GSR: variants seen among roughly 807,000 people sequenced by gnomAD.
The protein encoded by GSR is glutathione reductase, mitochondrial.
In GSR, 48 loss-of-function variants were observed where a neutral mutation model predicts 56.5. The observed-to-expected ratio is 0.85, with a 90% CI of 0.67 to 1.08. The LOEUF (loss-of-function observed/expected upper bound fraction) is 1.08. Ranked by LOEUF, GSR falls within the 50% of genes least tolerant of loss-of-function variation. The pLI is 0.00. For missense variants in GSR, 694 were observed against 703.3 expected (o/e 0.99, Z 0.15); for synonymous variants, 264 against 270.8 (o/e 0.97, Z 0.25).
chr8:30,698,695 A>T (rs1586048384), intron 6 of GSR, among the ~76,000 whole-genome samples: 1 of 152,286 alleles, frequency 6.6e-6, no homozygotes, highest in Admixed American at 6.5e-5. Context: ...AGGCTCATGG[A>T]CTATGAGTCA....
chr8:30,695,104 C>T (rs912337466), intron 7 of GSR, among the ~76,000 whole-genome samples: 1 of 151,998 alleles, frequency 6.6e-6, no homozygotes, highest in Non-Finnish European at 1.5e-5. Context: ...CTACAAGATT[C>T]CCTTTAATGT....
chr8:30,701,720 G>A (rs1311525082), intron 5 of GSR, among the ~76,000 whole-genome samples: 1 of 150,378 alleles, frequency 6.6e-6, no homozygotes, highest in African/African-American at 2.5e-5. Context: ...TTAAACCCGG[G>A]AGGCAGAGGT....
At chr8:30,703,024 T>C (rs762780307) in intron 5 of GSR, 69 bp downstream of exon 5, 46 of 1,514,750 alleles carry the variant, frequency 3.0e-5, no homozygotes, top group Middle Eastern at 4.5e-4. Context: ...TCCCCTGGCA[T>C]GGCTTTTCAG....
chr8:30,713,313 A>C (rs1804216625), intron 1 of GSR, among the ~76,000 whole-genome samples: 2 of 151,940 alleles, frequency 1.3e-5, no homozygotes, highest in African/African-American at 4.8e-5. Flanking sequence ...CTGGGATTAC[A>C]GTCATGAGCC....
In GSR at chr8:30,680,908, T is replaced by C. The variant is rs1802930259; in HGVS notation, c.1415A>G (p.Glu472Gly). The change falls in exon 12 of 13, where the codon GAA becomes GGA. Residue 472 changes from glutamate (E) to glycine (G), a missense_variant. Physicochemically the swap from Glu to Gly is moderately conservative, Grantham distance 98. Coordinates refer to ENST00000221130, the MANE Select transcript of GSR (RefSeq NM_000637.5). Reference sequence around the variant, plus strand: ...GTTTGCTGGATTTTTCCTTACCTTTTCTTCCTTGTTAGCACAGACCATTTT... The same window carrying C: ...GTTTGCTGGATTTTTCCTTACCTTTCCTTCCTTGTTAGCACAGACCATTTT... The part of the protein sequence containing the change: ...VMKMVCANKE[E>G]KVVGIHMQGL... 1 of 1,613,690 alleles carries C rather than the reference T, an allele frequency of 6.2e-7. No homozygotes were observed. Among genetic ancestry groups the C allele is most frequent in the Non-Finnish European group, 8.5e-7 (1 of 1,179,888 alleles).
At chr8:30,724,772 G>C (rs1465643803) in intron 1 of GSR, among the ~76,000 whole-genome samples, 1 of 152,088 alleles carries the variant, frequency 6.6e-6, no homozygotes, top group African/African-American at 2.4e-5. Context: ...CTGACCTCAG[G>C]TGATCTGCCC....
intron 3 of GSR, among the ~76,000 whole-genome samples, chr8:30,709,235 C>T (rs1201863822): frequency 4.0e-5 from 6 of 149,764 alleles, no homozygotes; most frequent in Non-Finnish European, 7.4e-5. Flanking sequence ...CATGGTGGCA[C>T]GTGCCTGTAG....
At position 30,703,235 on chromosome 8, in the gene GSR, A is replaced by G. The variant is rs755254767; in HGVS notation, c.498T>C (p.His166=). ...AIYQNNLTKS[H]IEIIRGHAAF... ...CTGCATGGCCACGGATGATTTCTAT[A>G]TGGGACTAAAGAAGGAACCATGACA... Residue 166 remains histidine (H), a synonymous_variant, in exon 5 of 13, where the codon CAT becomes CAC. Coordinates refer to ENST00000221130, the MANE Select transcript of GSR (RefSeq NM_000637.5). 2 of 1,613,892 alleles carry G rather than the reference A, an allele frequency of 1.2e-6. No individual in the cohort carries two copies. The highest frequency in any genetic ancestry group is 1.1e-5 in the South Asian group (1 of 91,078).
intron 4 of GSR, among the ~76,000 whole-genome samples, chr8:30,707,513 A>G (rs577226276): frequency 6.6e-6 from 1 of 152,334 alleles, no homozygotes; most frequent in African/African-American, 2.4e-5. Flanking sequence ...TTTAAAAATT[A>G]GCCAGGTGTG....
intron 1 of GSR, among the ~76,000 whole-genome samples, chr8:30,712,520 A>G (rs536766275): frequency 9.9e-5 from 15 of 152,122 alleles, no homozygotes; most frequent in Non-Finnish European, 2.1e-4. Context: ...TCTCTACAAA[A>G]AAAAGTAGCT....
rs773603845 is a variant in GSR, at chr8:30,696,416, C to G, written c.759G>C (p.Leu253=). The change falls in exon 7 of 13, where the codon CTG becomes CTC. Residue 253 remains leucine, a synonymous_variant. Transcript: ENST00000221130. ...AVEMAGILSA[L]GSKTSLMIRH... ...GTATCATCAGTGATGTCTTAGAACC[C>G]AGGGCTGACAGGATCCCTGCCATCT... 4 of 1,612,794 alleles carry G rather than the reference C, an allele frequency of 2.5e-6. No individual in the cohort carries two copies. The South Asian group carries it at 3.3e-5, about 13-fold the overall frequency.
chr8:30,711,573 T>A (rs1804144332), intron 2 of GSR, among the ~76,000 whole-genome samples: 1 of 152,202 alleles, frequency 6.6e-6, no homozygotes, highest in Non-Finnish European at 1.5e-5. Flanking sequence ...GGCTCATGCC[T>A]ATAATCCCAG....
chr8:30,691,102 T>C (rs915504443), intron 8 of GSR, among the ~76,000 whole-genome samples: 2 of 152,004 alleles, frequency 1.3e-5, no homozygotes, highest in Admixed American at 6.6e-5. Context: ...TGGTGGCTCA[T>C]GCCTGTAATC....
intron 7 of GSR, among the ~76,000 whole-genome samples, chr8:30,693,809 G>C (rs979355966): frequency 1.3e-5 from 2 of 152,136 alleles, no homozygotes; most frequent in Non-Finnish European, 2.9e-5. Context: ...GATTATAGGT[G>C]TGAGCCACCA....
At position 30,713,919 on chromosome 8, in the gene GSR, G is replaced by A. The variant is rs115524407; in HGVS notation, c.307-1831C>T. On this transcript the variant is annotated intron_variant, in intron 1 of 12. Coordinates refer to ENST00000221130, the MANE Select transcript of GSR (RefSeq NM_000637.5). ...ACTACAGACAGGTTAAATATCCATC[G>A]GCAGGGAAGTAGTAAATAGTTATAC... 3.2e-3 allele frequency among the ~76,000 whole-genome samples: 485 copies of A among 152,198 alleles called. 2 individuals carry two copies. Among genetic ancestry groups the A allele is most frequent in the African/African-American group, 0.011 (460 of 41,526 alleles).
intron 2 of GSR, among the ~76,000 whole-genome samples, chr8:30,711,746 T>TCA (rs1471096545): frequency 6.6e-6 from 1 of 151,998 alleles, no homozygotes; most frequent in East Asian, 1.9e-4. Context: ...GGCAAGAGAA[T>TCA]CACTTGAACC....
intron 3 of GSR, among the ~76,000 whole-genome samples, chr8:30,709,543 G>T (rs975906381): frequency 2.6e-5 from 4 of 152,182 alleles, no homozygotes; most frequent in Non-Finnish European, 4.4e-5. Context: ...GGGCCAGGGG[G>T]AGAAGAGAAT....
chr8:30,725,881 CAAA>C (rs59192685), intron 1 of GSR, among the ~76,000 whole-genome samples: 6 of 60,064 alleles, frequency 1.0e-4, no homozygotes, highest in Non-Finnish European at 1.2e-4. Context: ...GACTCCCTCT[CAAA>C]AAAAAAAAAA....
chr8:30,702,972 C>T, intron 5 of GSR, 121 bp downstream of exon 5: 1 of 1,034,930 alleles, frequency 9.7e-7, no homozygotes, highest in Non-Finnish European at 1.5e-6. Flanking sequence ...CAGAGACCTT[C>T]TCCCATGGCC....
Sources: allele counts gnomAD v4.1 joint callset (sites outside exome capture counted in the v4.1 genomes callset), GRCh38; gene constraint gnomAD v4.1.1; transcripts MANE v1.5; gene names NCBI Gene and HGNC (gene_info 2026-07-23, HGNC 2026-07-21).